The following PTBP3 variants were observed in gnomAD, a reference collection of about 807,000 sequenced individuals.
PTBP3 encodes the protein polypyrimidine tract-binding protein 3.
A neutral mutation model predicts 58.7 loss-of-function variants in PTBP3; 20 were observed. That is an observed-to-expected ratio of 0.34 (90% confidence interval 0.24 to 0.50). The LOEUF (loss-of-function observed/expected upper bound fraction) is 0.50, where lower values mean the gene tolerates loss of function less well. Ranked by LOEUF, PTBP3 falls within the 20% of genes least tolerant of loss-of-function variation. The pLI is 0.98. For synonymous variants in PTBP3, 185 were observed against 219.8 expected (o/e 0.84, Z 1.40); for missense variants, 509 against 637.2 (o/e 0.80, Z 2.17).
Position 112,220,093 on chromosome 9 carries a change from T to C in PTBP3, c.*3758A>G, listed in dbSNP as rs1254968901. On this transcript the variant is annotated 3_prime_UTR_variant, in exon 14 of 14. Transcript: ENST00000374257. ...AAAAATGCTTTACGCATCGTCACGC[T>C]GTCTCTTTTTGGTTTTAAAAATAGC... 3 of 1,221,354 alleles carry C rather than the reference T, an allele frequency of 2.5e-6. No homozygotes were observed. Among genetic ancestry groups the C allele is most frequent in the Non-Finnish European group, 3.1e-6 (3 of 954,776 alleles). 75.7% of individuals were successfully genotyped at this position (1,221,354 alleles called of 1,614,324 possible). A position where few individuals can be genotyped will look rare whatever the true frequency, so the allele number is the denominator to read the frequency against.
At chr9:112,348,473 T>C in the PTBP3 span, among the ~76,000 whole-genome samples, 2 of 152,106 alleles carry the variant, frequency 1.3e-5, no homozygotes, top group African/African-American at 4.8e-5. Context: ...GGGAAAAAAA[T>C]GCCTCAGATG....
At chr9:112,314,833 T>A (rs1004094740) in intron 1 of PTBP3, among the ~76,000 whole-genome samples, 2 of 137,234 alleles carry the variant, frequency 1.5e-5, no homozygotes, top group South Asian at 2.3e-4. Flanking sequence ...CCCACTGACA[T>A]TTTTTTTTTT....
chr9:112,301,584 T>C (rs1312414609), intron 1 of PTBP3, among the ~76,000 whole-genome samples: 1 of 152,216 alleles, frequency 6.6e-6, no homozygotes, highest in Admixed American at 6.5e-5. Context: ...GATTAGTGGT[T>C]GCCAGGAGAT....
At chr9:112,317,204 C>T (rs1425463763) in intron 1 of PTBP3, among the ~76,000 whole-genome samples, 1 of 151,512 alleles carries the variant, frequency 6.6e-6, no homozygotes, top group Non-Finnish European at 1.5e-5. Flanking sequence ...GAGACTGCAT[C>T]ACTGCACTCC....
At chr9:112,278,418 CAGGACTGGAGAAA>C (rs948194850) in intron 2 of PTBP3, among the ~76,000 whole-genome samples, 9 of 152,128 alleles carry the variant, frequency 5.9e-5, no homozygotes, top group Admixed American at 1.3e-4. Context: ...TAAGGAGTTA[CAGGACTGGAGAAA>C]AGGACTGGAG....
At chr9:112,320,314 A>ATATATATTTTT in intron 1 of PTBP3, among the ~76,000 whole-genome samples, 13 of 75,724 alleles carry the variant, frequency 1.7e-4, no homozygotes, top group Non-Finnish European at 2.3e-4. Context: ...ATATATATAT[A>ATATATATTTTT]TTTTTTTTTA....
At chr9:112,331,010 G>C (rs541690565) in intron 1 of PTBP3, among the ~76,000 whole-genome samples, 8 of 151,092 alleles carry the variant, frequency 5.3e-5, no homozygotes, top group African/African-American at 1.7e-4. Flanking sequence ...AATTTTCAAA[G>C]ATTTGCTTTT....
rs373403084 is a variant in PTBP3 at position 112,321,010 on chromosome 9, G to T, written c.-52+12460C>A. ...ACAAAGCTATAACCTAAAAGGAAAAGAAATTAAATGTATCAAAATTAAATT... is the reference window on the plus strand; with the variant it reads ...ACAAAGCTATAACCTAAAAGGAAAATAAATTAAATGTATCAAAATTAAATT... On this transcript the variant is annotated intron_variant, in intron 1 of 13. Transcript: ENST00000374257. Among the ~76,000 whole-genome samples, 8 of 152,094 alleles carry T rather than the reference G, an allele frequency of 5.3e-5. No individual in the cohort carries two copies. In the South Asian group the frequency reaches 1.7e-3, roughly 32 times the overall value.
At chr9:112,232,787 G>C (rs1475888378) in intron 8 of PTBP3, among the ~76,000 whole-genome samples, 1 of 152,072 alleles carries the variant, frequency 6.6e-6, no homozygotes, top group Non-Finnish European at 1.5e-5. Context: ...TTCTTTTGTA[G>C]CAGAAATGTT....
intron 1 of PTBP3, among the ~76,000 whole-genome samples, chr9:112,313,313 C>T (rs138614710): frequency 3.0e-4 from 45 of 152,278 alleles, no homozygotes; most frequent in South Asian, 1.0e-3. Context: ...GAATAATCCT[C>T]CTACCTCAAC....
intron 2 of PTBP3, among the ~76,000 whole-genome samples, chr9:112,278,304 T>C (rs1213038531): frequency 6.6e-6 from 1 of 152,196 alleles, no homozygotes; most frequent in Non-Finnish European, 1.5e-5. Flanking sequence ...ATCAGAGTCC[T>C]GGACGGGGGC....
chr9:112,284,385 T>C (rs1828013323), intron 2 of PTBP3, among the ~76,000 whole-genome samples: 1 of 152,038 alleles, frequency 6.6e-6, no homozygotes, highest in Non-Finnish European at 1.5e-5. Context: ...TCAAAGGAGA[T>C]TATTTTGGAG....
At chr9:112,365,022 C>T in the PTBP3 span, among the ~76,000 whole-genome samples, 5 of 152,200 alleles carry the variant, frequency 3.3e-5, no homozygotes, top group Non-Finnish European at 7.3e-5. Context: ...TTAGATTCCA[C>T]ACATAAGTGA....
intron 1 of PTBP3, among the ~76,000 whole-genome samples, chr9:112,309,840 T>C (rs894182929): frequency 1.3e-5 from 2 of 151,656 alleles, no homozygotes; most frequent in African/African-American, 4.8e-5. Flanking sequence ...GAATAAACAA[T>C]AGTCAATAGG....
intron 1 of PTBP3, among the ~76,000 whole-genome samples, chr9:112,318,939 C>A (rs1373571568): frequency 6.6e-6 from 1 of 151,364 alleles, no homozygotes; most frequent in African/African-American, 2.4e-5. Context: ...ACCAGCCTGA[C>A]CAACATGGAG....
At chr9:112,345,026 G>A in the PTBP3 span, among the ~76,000 whole-genome samples, 202 of 152,136 alleles carry the variant, frequency 1.3e-3, 1 homozygote, top group African/African-American at 4.5e-3. Flanking sequence ...CCAGCTACTC[G>A]GGAGGCTGAG....
chr9:112,320,304 ATATATATATATTT>A (rs1829881617), intron 1 of PTBP3, among the ~76,000 whole-genome samples: 2 of 54,176 alleles, frequency 3.7e-5, no homozygotes, highest in African/African-American at 2.7e-4. Context: ...ATATATATAT[ATATATATATATTT>A]TTTTTTAAGT....
intron 10 of PTBP3, among the ~76,000 whole-genome samples, chr9:112,229,783 T>G (rs1274493660): frequency 6.6e-6 from 1 of 152,126 alleles, no homozygotes; most frequent in African/African-American, 2.4e-5. Flanking sequence ...CTGGCCCAGG[T>G]TGGTCTCAAA....
chr9:112,278,019 A>G (rs1469078786), intron 2 of PTBP3, among the ~76,000 whole-genome samples: 1 of 152,222 alleles, frequency 6.6e-6, no homozygotes, highest in East Asian at 1.9e-4. Context: ...AAACCTAAAC[A>G]GGCACCAAAT....
Sources: allele counts gnomAD v4.1 joint callset (sites outside exome capture counted in the v4.1 genomes callset), GRCh38; gene constraint gnomAD v4.1.1; transcripts MANE v1.5; gene names NCBI Gene and HGNC (gene_info 2026-07-23, HGNC 2026-07-21).